CACNA1B: variants seen among roughly 807,000 people sequenced by gnomAD.
CACNA1B encodes the protein voltage-dependent N-type calcium channel subunit alpha-1B.
Under a neutral mutation model 247.2 loss-of-function variants are expected in CACNA1B, and 70 were observed. That is an observed-to-expected ratio of 0.28 (90% CI 0.23 to 0.35). The LOEUF (loss-of-function observed/expected upper bound fraction) is 0.35, where lower values mean the gene tolerates loss of function less well. Among genes scored for constraint, CACNA1B ranks in the 10% least tolerant of loss-of-function variants. The pLI is 1.00. For synonymous variants in CACNA1B, 1,231 were observed against 1,294.4 expected (o/e 0.95, Z 1.05); for missense variants, 2,367 against 3,197.4 (o/e 0.74, Z 6.26).
chr9:138,062,185 G>A (rs1959748777), intron 31 of CACNA1B, among the ~76,000 whole-genome samples: 1 of 152,108 alleles, frequency 6.6e-6, no homozygotes, highest in South Asian at 2.1e-4. Context: ...GTTATCCTCA[G>A]CACAGGCAAC....
chr9:137,970,517 A>T (rs1217388527), intron 10 of CACNA1B, among the ~76,000 whole-genome samples: 1 of 152,152 alleles, frequency 6.6e-6, no homozygotes, highest in Non-Finnish European at 1.5e-5. Flanking sequence ...CTTGTCTGGG[A>T]GTTGGGCATG....
chr9:138,092,829 T>C (rs1960922783), intron 36 of CACNA1B, among the ~76,000 whole-genome samples: 1 of 152,242 alleles, frequency 6.6e-6, no homozygotes, highest in Non-Finnish European at 1.5e-5. Flanking sequence ...TATGTTCTTC[T>C]GCCGTGGCTT....
At chr9:137,978,435 G>GC (rs1035161341) in intron 12 of CACNA1B, among the ~76,000 whole-genome samples, 23 of 146,546 alleles carry the variant, frequency 1.6e-4, no homozygotes, top group African/African-American at 2.3e-4. Context: ...TGGGAGCACT[G>GC]CCCCCCCGAG....
chr9:137,981,167 T>C (rs1294180720), intron 12 of CACNA1B, among the ~76,000 whole-genome samples: 7 of 152,252 alleles, frequency 4.6e-5, no homozygotes, highest in Admixed American at 2.0e-4. Flanking sequence ...TTTGACTTTT[T>C]AATAATAGCC....
chr9:138,001,795 A>C (rs1958580683), intron 15 of CACNA1B, among the ~76,000 whole-genome samples: 1 of 152,202 alleles, frequency 6.6e-6, no homozygotes, highest in Non-Finnish European at 1.5e-5. Flanking sequence ...ATTTAAAAGA[A>C]AGGTCTCATT....
chr9:137,937,447 G>C (rs942818607), intron 6 of CACNA1B, among the ~76,000 whole-genome samples: 1 of 152,040 alleles, frequency 6.6e-6, no homozygotes, highest in Non-Finnish European at 1.5e-5. Flanking sequence ...TATGTTAAAC[G>C]ACCAAACCTA....
At chr9:137,984,583 A>G (rs1464349463) in intron 13 of CACNA1B, among the ~76,000 whole-genome samples, 1 of 152,136 alleles carries the variant, frequency 6.6e-6, no homozygotes, top group African/African-American at 2.4e-5. Flanking sequence ...AATGAGGAAG[A>G]CAGAAGTCAT....
chr9:138,079,078 C>T (rs942259531), intron 36 of CACNA1B, among the ~76,000 whole-genome samples: 8 of 152,146 alleles, frequency 5.3e-5, no homozygotes, highest in South Asian at 2.1e-4. Context: ...CCTGTTAATG[C>T]GAAGCTTAGT....
At chr9:138,093,639 G>A (rs1960955644) in intron 36 of CACNA1B, among the ~76,000 whole-genome samples, 1 of 151,708 alleles carries the variant, frequency 6.6e-6, no homozygotes, top group African/African-American at 2.4e-5. Context: ...TACTCAGGAG[G>A]CTAAGGCAGA....
chr9:138,012,873 A>T lies in CACNA1B; in HGVS notation c.2161-256A>T, dbSNP rs1223143222. On this transcript the variant is annotated intron_variant, in intron 17 of 46. Transcript: ENST00000371372. The surrounding 1 kb of genome is among the most constrained non-coding windows in gnomAD (Gnocchi z 4.2). ...GGCACAAGCAAGAGGGCACTGAGGA[A>T]GGAATCCTAGTGACCATTACCTTTG... 6.6e-6 allele frequency among the ~76,000 whole-genome samples: 1 copy of T among 152,092 alleles called. No homozygotes were observed. Among genetic ancestry groups the T allele is most frequent in the Admixed American group, 6.5e-5 (1 of 15,272 alleles).
chr9:137,890,118 A>C (rs868298841), intron 3 of CACNA1B: 3 of 149,610 alleles, frequency 2.0e-5, no homozygotes, highest in African/African-American at 7.3e-5. Flanking sequence ...CTGCTGCCTG[A>C]GGAGCCCAAA....
chr9:137,956,242 A>C (rs76154645), intron 8 of CACNA1B, among the ~76,000 whole-genome samples: 4,096 of 152,260 alleles, frequency 0.027, 77 homozygotes, highest in South Asian at 0.071. Context: ...AGCTGTTCTC[A>C]GGGAAGCGAC....
intron 18 of CACNA1B, among the ~76,000 whole-genome samples, chr9:138,018,022 G>C (rs1454170927): frequency 4.9e-5 from 4 of 81,496 alleles, no homozygotes; most frequent in African/African-American, 1.9e-4. Context: ...GTGCAGTTAG[G>C]CCACCTGCCC....
chr9:137,886,737 T>C lies in CACNA1B; in HGVS notation c.530+3854T>C, dbSNP rs532685921. Among the ~76,000 whole-genome samples, 464 of 151,642 alleles carry C rather than the reference T, an allele frequency of 3.1e-3. 1 individual carries two copies. The highest frequency in any genetic ancestry group is 0.024 in the Middle Eastern group (7 of 294). ...GGGTGGACGGATGAGTGGATGGTGA[T>C]GAGTTGCGGCATGGGCGTGCCCCAG... is the stretch of plus-strand genomic sequence containing the variant. On this transcript the variant is annotated intron_variant, in intron 3 of 46. Transcript: ENST00000371372.
At chr9:137,903,424 T>C (rs1338944338) in intron 3 of CACNA1B, among the ~76,000 whole-genome samples, 1 of 152,154 alleles carries the variant, frequency 6.6e-6, no homozygotes, top group Non-Finnish European at 1.5e-5. Context: ...CACTTGGTCG[T>C]GCTCTGCTTC....
At chr9:137,992,823 A>G (rs984099796) in intron 15 of CACNA1B, among the ~76,000 whole-genome samples, 4 of 151,962 alleles carry the variant, frequency 2.6e-5, no homozygotes, top group African/African-American at 7.2e-5. Flanking sequence ...AATCTATATT[A>G]TATCAAGTAC....
chr9:138,067,111 C>A (rs73573969), intron 31 of CACNA1B, among the ~76,000 whole-genome samples: 7,692 of 152,118 alleles, frequency 0.051, 652 homozygotes, highest in African/African-American at 0.17. Context: ...TATGCCAGTA[C>A]GTTTGAAAAC....
chr9:138,074,859 AG>A (rs1960260219), intron 34 of CACNA1B, among the ~76,000 whole-genome samples: 1 of 152,264 alleles, frequency 6.6e-6, no homozygotes, highest in Admixed American at 6.5e-5. Flanking sequence ...GCTGAAGGAC[AG>A]GCCTGACCCG....
rs894680383 is a variant in CACNA1B, at chr9:138,084,214, A to G, written c.5094+5956A>G. Among the ~76,000 whole-genome samples the G allele has an allele frequency of 2.8e-4, 42 of 151,118 alleles. 1 individual carries two copies. The highest frequency in any genetic ancestry group is 9.8e-4 in the African/African-American group (40 of 40,836). On this transcript the variant is annotated intron_variant, in intron 36 of 46. Coordinates refer to ENST00000371372, the MANE Select transcript of CACNA1B (RefSeq NM_000718.4). ...TGTACCCCAACACCCAGGTGCCACA[A>G]TAAGTTCATGAGATTCTAAGTATAG...
Sources: gnomAD v4.1 joint callset for allele counts (sites outside exome capture counted in the v4.1 genomes callset) on GRCh38, gnomAD v4.1.1 for gene constraint, Gnocchi (gnomAD v3.1) non-coding constraint, MANE v1.5 for transcripts, NCBI Gene and HGNC (gene_info 2026-07-23, HGNC 2026-07-21) for gene names.